Variants in KCNMB2 observed in about 807,000 individuals in gnomAD.
KCNMB2 encodes the protein calcium-activated potassium channel subunit beta-2.
In KCNMB2, 9 loss-of-function variants were observed where a neutral mutation model predicts 24.5. That is an observed-to-expected ratio of 0.37 (90% CI 0.22 to 0.64). The LOEUF (loss-of-function observed/expected upper bound fraction) is 0.64, where lower values mean the gene tolerates loss of function less well. Ranked by LOEUF, KCNMB2 falls within the 30% of genes least tolerant of loss-of-function variation. The pLI is 0.63. For missense variants in KCNMB2, 226 were observed against 284.3 expected, an observed-to-expected ratio of 0.79 and a Z score of 1.47; for synonymous variants, 109 against 104.4, an observed-to-expected ratio of 1.04 and a Z score of -0.27.
At chr3:178,776,573 A>G (rs748784980) in intron 1 of KCNMB2, among the ~76,000 whole-genome samples, 48 of 152,288 alleles carry the variant, frequency 3.2e-4, no homozygotes, top group Middle Eastern at 3.4e-3. Flanking sequence ...GTTTAATGGG[A>G]CACCATCACC....
intron 1 of KCNMB2, among the ~76,000 whole-genome samples, chr3:178,646,932 A>G (rs1292778489): frequency 6.6e-6 from 1 of 152,216 alleles, no homozygotes; most frequent in East Asian, 1.9e-4. Flanking sequence ...ACTTCTCCAT[A>G]TATAGTATTG....
At position 178,757,372 on chromosome 3, in the gene KCNMB2, ATCCAAGAGGATATATATATATG is replaced by A. The variant is rs1243378094; in HGVS notation, c.-67-49969_-67-49948del. 1.2e-3 allele frequency among the ~76,000 whole-genome samples: 74 copies of A among 63,056 alleles called. 4 individuals are homozygous for A. Among genetic ancestry groups the A allele is most frequent in the African/African-American group, 5.6e-3 (71 of 12,598 alleles). 41.4% of individuals were successfully genotyped at this position (63,056 alleles called of 152,430 possible). A position where few individuals can be genotyped will look rare whatever the true frequency, so the allele number is the denominator to read the frequency against. ...AGGATATATATATATATATATATAT[ATCCAAGAGGATATATATATATG>A]TATATATATCCAAGAGGATATATAT... On this transcript the variant is annotated intron_variant, in intron 1 of 4. Coordinates refer to ENST00000452583, the MANE Select transcript of KCNMB2 (RefSeq NM_181361.3).
chr3:178,675,310 TTGA>T (rs1192753232), intron 1 of KCNMB2, among the ~76,000 whole-genome samples: 3 of 152,174 alleles, frequency 2.0e-5, no homozygotes, highest in African/African-American at 7.2e-5. Flanking sequence ...CTTGCAGAAC[TTGA>T]TGAGGTTTGA....
chr3:178,759,899 G>GAT (rs1418324177), intron 1 of KCNMB2, among the ~76,000 whole-genome samples: 1 of 13,252 alleles, frequency 7.5e-5, no homozygotes, highest in South Asian at 2.9e-3. Context: ...TATCCAAGAG[G>GAT]ATATATCTAT....
chr3:178,551,890 T>C (rs1715964692), intron 1 of KCNMB2, among the ~76,000 whole-genome samples: 2 of 152,166 alleles, frequency 1.3e-5, no homozygotes, highest in African/African-American at 2.4e-5. Context: ...AGATATCCCA[T>C]TTGACACCTG....
intron 1 of KCNMB2, among the ~76,000 whole-genome samples, chr3:178,567,393 T>C (rs1197652551): frequency 1.3e-5 from 2 of 152,176 alleles, no homozygotes; most frequent in East Asian, 1.9e-4. Flanking sequence ...TAGACACATA[T>C]GTAATACAAC....
chr3:178,798,387 A>C lies in KCNMB2; in HGVS notation c.-67-8956A>C, dbSNP rs541606607. ...TGGTCCTTGGTTTGTTTTTGTGTTT[A>C]TTTGTTTGTTTGTTTGTTTGTTTGC... On this transcript the variant is annotated intron_variant, in intron 1 of 4. Transcript: ENST00000452583. Among the ~76,000 whole-genome samples the C allele has an allele frequency of 5.1e-4, 77 of 151,720 alleles. 1 individual carries two copies. Among genetic ancestry groups the C allele is most frequent in the African/African-American group, 1.8e-3 (74 of 41,330 alleles).
At chr3:178,634,344 T>C (rs1163549248) in intron 1 of KCNMB2, among the ~76,000 whole-genome samples, 3 of 152,126 alleles carry the variant, frequency 2.0e-5, no homozygotes, top group Admixed American at 6.6e-5. Flanking sequence ...GGGTAATTTA[T>C]GAAGGAAAGA....
chr3:178,832,011 G>C (rs977578243), intron 4 of KCNMB2, among the ~76,000 whole-genome samples: 3 of 152,080 alleles, frequency 2.0e-5, no homozygotes, highest in African/African-American at 7.2e-5. Context: ...TGAAGCTCAT[G>C]TAGACATTAC....
intron 1 of KCNMB2, among the ~76,000 whole-genome samples, chr3:178,691,105 G>GTTTTTTTTTTTTTT (rs1310077931): frequency 6.1e-5 from 2 of 32,952 alleles, no homozygotes; most frequent in African/African-American, 4.7e-4. Flanking sequence ...TCCCCATTAA[G>GTTTTTTTTTTTTTT]TCTTTTTTTT....
At chr3:178,713,248 G>C (rs1324882576) in intron 1 of KCNMB2, among the ~76,000 whole-genome samples, 1 of 152,172 alleles carries the variant, frequency 6.6e-6, no homozygotes, top group Non-Finnish European at 1.5e-5. Flanking sequence ...ACAGATTCAT[G>C]TTTTTATCCT....
chr3:178,653,214 T>G (rs1457440403), intron 1 of KCNMB2, among the ~76,000 whole-genome samples: 1 of 152,152 alleles, frequency 6.6e-6, no homozygotes, highest in African/African-American at 2.4e-5. Flanking sequence ...TCTATGTAGA[T>G]AGTTTATATT....
At chr3:178,607,590 T>C (rs1718320408) in intron 1 of KCNMB2, among the ~76,000 whole-genome samples, 1 of 152,046 alleles carries the variant, frequency 6.6e-6, no homozygotes, top group Non-Finnish European at 1.5e-5. Flanking sequence ...CAATTGTCAA[T>C]TTAATTAGCA....
At chr3:178,769,059 G>A (rs574642654) in intron 1 of KCNMB2, among the ~76,000 whole-genome samples, 7 of 152,174 alleles carry the variant, frequency 4.6e-5, no homozygotes, top group South Asian at 2.1e-4. Context: ...TTACATTTAC[G>A]CCATCTACTG....
In KCNMB2 at chr3:178,603,276, A is replaced by C. The variant is rs1718156367; in HGVS notation, c.-68+66565A>C. Among the ~76,000 whole-genome samples the C allele has an allele frequency of 6.6e-5, 10 of 152,238 alleles. No homozygotes were observed. In the South Asian group the frequency reaches 2.1e-3, roughly 32 times the overall value. ...CAAATGTATATATCAGATTTACACA[A>C]AGCAGGTAGTTAAATATATGTTATT... On this transcript the variant is annotated intron_variant, in intron 1 of 4. Coordinates refer to ENST00000452583, the MANE Select transcript of KCNMB2 (RefSeq NM_181361.3).
intron 1 of KCNMB2, among the ~76,000 whole-genome samples, chr3:178,676,333 G>A (rs187461772): frequency 1.3e-5 from 2 of 152,250 alleles, no homozygotes; most frequent in African/African-American, 4.8e-5. Context: ...TCTAATCCTT[G>A]GCAGACAGAG....
intron 1 of KCNMB2, among the ~76,000 whole-genome samples, chr3:178,574,889 G>A (rs1716935647): frequency 6.6e-6 from 1 of 152,090 alleles, no homozygotes. Flanking sequence ...CCAACATGCT[G>A]AAACCCCGTC....
intron 2 of KCNMB2, among the ~76,000 whole-genome samples, chr3:178,816,361 T>C (rs1560033020): frequency 6.6e-6 from 1 of 151,964 alleles, no homozygotes; most frequent in Non-Finnish European, 1.5e-5. Context: ...CTGATACTTA[T>C]TTGGCCCTTT....
chr3:178,699,224 A>C (rs1721995393), intron 1 of KCNMB2, among the ~76,000 whole-genome samples: 1 of 152,206 alleles, frequency 6.6e-6, no homozygotes, highest in Non-Finnish European at 1.5e-5. Flanking sequence ...CAGGGCATAG[A>C]AGGATCCATT....
Sources: gnomAD v4.1 joint callset for allele counts (sites outside exome capture counted in the v4.1 genomes callset) on GRCh38, gnomAD v4.1.1 for gene constraint, MANE v1.5 for transcripts, NCBI Gene and HGNC (gene_info 2026-07-23, HGNC 2026-07-21) for gene names.